The following ANKRD13D variants were observed in gnomAD, a reference collection of about 807,000 sequenced individuals.
ANKRD13D encodes the protein ankyrin repeat domain-containing protein 13D.
ANKRD13D carries 24 observed loss-of-function variants against 68.8 expected under a neutral mutation model. The observed-to-expected ratio is 0.35, with a 90% CI of 0.25 to 0.49. The LOEUF (loss-of-function observed/expected upper bound fraction) is 0.49, where lower values mean the gene tolerates loss of function less well. ANKRD13D is among the 20% of genes least tolerant of loss of function. ANKRD13D has a pLI of 0.99. For missense variants in ANKRD13D, 735 were observed against 832.1 expected (o/e 0.88, Z 1.44); for synonymous variants, 331 against 336.1 (o/e 0.98, Z 0.16).
Position 67,289,318 on chromosome 11 carries a change from C to T in ANKRD13D, c.-143C>T. On this transcript the variant is annotated 5_prime_UTR_variant, in exon 1 of 15. Coordinates refer to ENST00000511455, the MANE Select transcript of ANKRD13D (RefSeq NM_207354.3). ...CGCCCGCCCCGCCCTCCCTGCCGCC[C>T]GCGCTGCCGCCGCCGCCGCCGCCGC... The T allele has an allele frequency of 5.9e-6, 2 of 336,690 alleles. No individual in the cohort carries two copies. The highest frequency in any genetic ancestry group is 8.4e-6 in the Non-Finnish European group (2 of 239,390). The allele number at this position is 336,690 out of a possible 1,614,324, so 20.9% of individuals were successfully genotyped here. A position where few individuals can be genotyped will look rare whatever the true frequency, so the allele number is the denominator to read the frequency against.
rs1860938017 is a variant in ANKRD13D, at chr11:67,300,526, GC to G, written c.1073+405del. 1 of 328,980 alleles carries G rather than the reference GC, an allele frequency of 3.0e-6. No homozygotes were observed. The highest frequency in any genetic ancestry group is 5.6e-6 in the Non-Finnish European group (1 of 178,380). 20.4% of individuals were successfully genotyped at this position (328,980 alleles called of 1,614,324 possible). A position where few individuals can be genotyped will look rare whatever the true frequency, so the allele number is the denominator to read the frequency against. Reference sequence around the variant, plus strand: ...TATAGGCGGTAACAGCAGGCACAGTGCCTGCACAAGCCTAGCGCTCTCCCCA... The same window carrying G: ...TATAGGCGGTAACAGCAGGCACAGTGCTGCACAAGCCTAGCGCTCTCCCCA... On this transcript the variant is annotated intron_variant, in intron 10 of 14. Coordinates refer to ENST00000511455, the MANE Select transcript of ANKRD13D (RefSeq NM_207354.3). The surrounding 1 kb of genome is among the most constrained non-coding windows in gnomAD (Gnocchi z 4.3).
chr11:67,291,960 G>C lies in ANKRD13D; in HGVS notation c.542-31G>C, dbSNP rs746016813. ...CTGCTGGCGCCCAGCACTGATTTGCGCCCCCTCTGTCCACCCCTACCGGCC... is the reference window on the plus strand; with the variant it reads ...CTGCTGGCGCCCAGCACTGATTTGCCCCCCCTCTGTCCACCCCTACCGGCC... On this transcript the variant is annotated intron_variant, in intron 5 of 14. Coordinates refer to ENST00000511455, the MANE Select transcript of ANKRD13D (RefSeq NM_207354.3). 3.2e-6 allele frequency: 5 copies of C among 1,548,434 alleles called. No individual in the cohort carries two copies. The Admixed American group carries it at 9.3e-5, about 29-fold the overall frequency.
rs762572514 is a variant in ANKRD13D at position 67,301,429 on chromosome 11, A to C, written c.1348+31A>C. 3.0e-5 allele frequency: 49 copies of C among 1,607,872 alleles called. 3 individuals are homozygous for C. The Middle Eastern group carries it at 6.1e-3, about 201-fold the overall frequency. On this transcript the variant is annotated intron_variant, in intron 12 of 14. Coordinates refer to ENST00000511455, the MANE Select transcript of ANKRD13D (RefSeq NM_207354.3). The surrounding 1 kb of genome is among the most constrained non-coding windows in gnomAD (Gnocchi z 4.5). ...CCAACGGGAGGAAGAGGGAGCCTGC[A>C]CAGCTTTCTGGTCACCAAGCCCCGC...
chr11:67,298,737 C>T (rs1267005983), intron 6 of ANKRD13D: 1 of 339,106 alleles, frequency 2.9e-6, no homozygotes, highest in African/African-American at 2.0e-5. Flanking sequence ...TGTGTCAAAG[C>T]TCATCCCAGA....
intron 6 of ANKRD13D, 155 bp from the exon 7 acceptor site, chr11:67,298,903 G>T: frequency 1.4e-6 from 1 of 725,840 alleles, no homozygotes; most frequent in Non-Finnish European, 2.5e-6. Context: ...CCCTGTCCAG[G>T]CACCCTCTTC....
chr11:67,295,515 A>G (rs1860728254), intron 6 of ANKRD13D, among the ~76,000 whole-genome samples: 1 of 152,156 alleles, frequency 6.6e-6, no homozygotes, highest in Admixed American at 6.6e-5. Flanking sequence ...ACTTGAGGTC[A>G]GGAGTTTGAG....
chr11:67,295,622 G>C (rs545035700), intron 6 of ANKRD13D, among the ~76,000 whole-genome samples: 2 of 152,078 alleles, frequency 1.3e-5, no homozygotes, highest in Admixed American at 6.6e-5. Context: ...TGTAGTCCCA[G>C]CTGCTTGGGA....
intron 6 of ANKRD13D, chr11:67,298,056 C>CTTTTT (rs200939455): frequency 1.8e-4 from 23 of 129,996 alleles, no homozygotes; most frequent in African/African-American, 6.5e-4. Flanking sequence ...TTGAGGTTTT[C>CTTTTT]TTTTTTTTTT....
intron 6 of ANKRD13D, among the ~76,000 whole-genome samples, chr11:67,295,005 T>C (rs1014151072): frequency 3.1e-4 from 47 of 152,212 alleles, no homozygotes; most frequent in African/African-American, 1.1e-3. Flanking sequence ...TTTTAACATA[T>C]AAGATTATGT....
Position 67,301,257 on chromosome 11 carries a change from C to A in ANKRD13D, c.1232-25C>A. On this transcript the variant is annotated intron_variant, in intron 11 of 14. Coordinates refer to ENST00000511455, the MANE Select transcript of ANKRD13D (RefSeq NM_207354.3). This position sits in a 1 kb window ranked among gnomAD's most constrained non-coding sequence, Gnocchi z 4.5. ...AGGCACAGGTGGCTCTCCGCCAGGG[C>A]TCAGGCGTGGCTGTCTTCTCACAGA... 6.2e-7 allele frequency: 1 copy of A among 1,602,974 alleles called. No homozygotes were observed. The highest frequency in any genetic ancestry group is 8.5e-7 in the Non-Finnish European group (1 of 1,173,886).
intron 6 of ANKRD13D, among the ~76,000 whole-genome samples, chr11:67,293,266 A>G (rs774213487): frequency 6.6e-6 from 1 of 152,178 alleles, no homozygotes; most frequent in Non-Finnish European, 1.5e-5. Context: ...CATTCCCACC[A>G]GCAGCATGTG....
chr11:67,302,171 C>G lies in ANKRD13D; in HGVS notation c.1657C>G (p.Pro553Ala), dbSNP rs1258345456. 1 of 1,597,432 alleles carries G rather than the reference C, an allele frequency of 6.3e-7. No individual in the cohort carries two copies. The change falls in exon 15 of 15, where the codon CCT becomes GCT. Residue 553 changes from proline (P) to alanine (A), a missense_variant. Pro to Ala is a conservative substitution (Grantham distance 27). Transcript: ENST00000511455. ...LSTEPRGPGS[P>A]PRTPPAPGPP... ...CACAGAGCCCAGGGGCCCAGGATCCCCTCCCAGGACACCCCCAGCCCCCGG... is the reference window on the plus strand; with the variant it reads ...CACAGAGCCCAGGGGCCCAGGATCCGCTCCCAGGACACCCCCAGCCCCCGG...
chr11:67,296,367 A>G lies in ANKRD13D; in HGVS notation c.732-2691A>G, dbSNP rs78926654. 4.2e-3 allele frequency among the ~76,000 whole-genome samples: 383 copies of G among 90,670 alleles called. 1 individual carries two copies. Among genetic ancestry groups the G allele is most frequent in the African/African-American group, 0.011 (343 of 31,886 alleles). 59.5% of individuals were successfully genotyped at this position (90,670 alleles called of 152,430 possible). A position where few individuals can be genotyped will look rare whatever the true frequency, so the allele number is the denominator to read the frequency against. On this transcript the variant is annotated intron_variant, in intron 6 of 14. Transcript: ENST00000511455. ...TGTGTGTGTGTGTGTGTGTGTGTGT[A>G]TGTGTGTATAGTTTTTTGTTGTTAT...
rs904048506 is a variant in ANKRD13D, at chr11:67,292,622, TA to T, written c.731+453del. ...TGCCTTAACAGTCAGTGGAAACACTTAAAAAAAAAAACAAAAAACCTTTATT... is the reference window on the plus strand; with the variant it reads ...TGCCTTAACAGTCAGTGGAAACACTTAAAAAAAAAACAAAAAACCTTTATT... On this transcript the variant is annotated intron_variant, in intron 6 of 14. Coordinates refer to ENST00000511455, the MANE Select transcript of ANKRD13D (RefSeq NM_207354.3). 1.5e-4 allele frequency among the ~76,000 whole-genome samples: 21 copies of T among 144,564 alleles called. No individual in the cohort carries two copies. In the South Asian group the frequency reaches 1.5e-3, roughly 11 times the overall value. 94.8% of individuals were successfully genotyped at this position (144,564 alleles called of 152,430 possible). A position where few individuals can be genotyped will look rare whatever the true frequency, so the allele number is the denominator to read the frequency against.
chr11:67,299,956 C>T lies in ANKRD13D; in HGVS notation c.943-37C>T. The stretch of plus-strand genomic sequence containing the variant: ...GCCTGGGCGGGAGGGCACCCTCTGT[C>T]ACCTTGATGGCTGAGTCCGCCCTGG... On this transcript the variant is annotated intron_variant, in intron 9 of 14. Coordinates refer to ENST00000511455, the MANE Select transcript of ANKRD13D (RefSeq NM_207354.3). This position sits in a 1 kb window ranked among gnomAD's most constrained non-coding sequence, Gnocchi z 6.2. The T allele has an allele frequency of 6.3e-7, 1 of 1,592,198 alleles. No homozygotes were observed. Among genetic ancestry groups the T allele is most frequent in the Non-Finnish European group, 8.6e-7 (1 of 1,166,552 alleles).
At position 67,300,902 on chromosome 11, in the gene ANKRD13D, A is replaced by G. The variant is rs1448232071; in HGVS notation, c.1074-88A>G. On this transcript the variant is annotated intron_variant, in intron 10 of 14. Transcript: ENST00000511455. The surrounding 1 kb of genome is among the most constrained non-coding windows in gnomAD (Gnocchi z 4.3). ...ACTCCAGGCCAGGCAGAAGGTGGGT[A>G]AAGGCAGCTGCCCACGAACCAGAGG... 1.3e-6 allele frequency: 2 copies of G among 1,511,402 alleles called. No individual in the cohort carries two copies. Among genetic ancestry groups the G allele is most frequent in the Admixed American group, 1.9e-5 (1 of 53,078 alleles). 93.6% of individuals were successfully genotyped at this position (1,511,402 alleles called of 1,614,324 possible).
intron 3 of ANKRD13D, chr11:67,290,730 A>T (rs2136518805): frequency 5.0e-6 from 2 of 399,500 alleles, no homozygotes; most frequent in East Asian, 9.0e-5. Flanking sequence ...GACTCGGTGG[A>T]TTATGGCCTG....
At chr11:67,296,814 G>T (rs748058712) in intron 6 of ANKRD13D, among the ~76,000 whole-genome samples, 4 of 152,092 alleles carry the variant, frequency 2.6e-5, no homozygotes, top group Non-Finnish European at 1.5e-5. Context: ...TAGAGATGTG[G>T]TCTCACTATG....
chr11:67,292,593 C>T (rs1860609903), intron 6 of ANKRD13D, among the ~76,000 whole-genome samples: 1 of 151,866 alleles, frequency 6.6e-6, no homozygotes, highest in Admixed American at 6.6e-5. Flanking sequence ...CACATGCCCC[C>T]TCTTGCCTTA....
Sources: allele counts gnomAD v4.1 joint callset (sites outside exome capture counted in the v4.1 genomes callset), GRCh38; gene constraint gnomAD v4.1.1; non-coding constraint Gnocchi (gnomAD v3.1); transcripts MANE v1.5; gene names NCBI Gene and HGNC (gene_info 2026-07-23, HGNC 2026-07-21).